PCDHA3: variants seen among roughly 807,000 people sequenced by gnomAD.
PCDHA3 encodes the protein protocadherin alpha-3.
A neutral mutation model predicts 62.2 loss-of-function variants in PCDHA3; 41 were observed. The ratio of observed to expected loss-of-function variants is 0.66; its 90% CI spans 0.51 to 0.86. The LOEUF (loss-of-function observed/expected upper bound fraction) is 0.86, where lower values mean the gene tolerates loss of function less well. Among genes scored for constraint, PCDHA3 ranks in the 40% least tolerant of loss-of-function variants. PCDHA3 has a pLI of 0.00. For missense variants in PCDHA3, 1,304 were observed against 1,241.2 expected (o/e 1.05, Z -0.76); for synonymous variants, 640 against 555.4 (o/e 1.15, Z -2.14).
intron 1 of PCDHA3, among the ~76,000 whole-genome samples, chr5:140,952,079 C>A (rs2094682960): frequency 6.6e-6 from 1 of 152,162 alleles, no homozygotes; most frequent in South Asian, 2.1e-4. Flanking sequence ...TTCATTGACT[C>A]CATGTCTCAC....
At chr5:140,868,864 A>C (rs1554162257) in intron 1 of PCDHA3, 10 of 549,766 alleles carry the variant, frequency 1.8e-5, no homozygotes, top group Non-Finnish European at 1.8e-5. Context: ...TGGTAAATGC[A>C]GTGCACAGTA....
intron 1 of PCDHA3, among the ~76,000 whole-genome samples, chr5:140,915,582 G>A (rs991142864): frequency 2.6e-5 from 4 of 152,056 alleles, no homozygotes; most frequent in South Asian, 4.1e-4. Flanking sequence ...CCAGGCAAAA[G>A]CACTTGTTCT....
intron 1 of PCDHA3, chr5:140,809,134 A>G (rs1764374318): frequency 6.2e-7 from 1 of 1,613,908 alleles, no homozygotes; most frequent in Non-Finnish European, 8.5e-7. Context: ...GCCTACTGGT[A>G]CTGGTGAAGG....
At chr5:140,969,359 C>A (rs1554231722) in intron 1 of PCDHA3, 2 of 1,611,118 alleles carry the variant, frequency 1.2e-6, no homozygotes, top group Admixed American at 3.4e-5. Flanking sequence ...GGGTCTTCTA[C>A]AAACTCATGC....
At position 140,828,523 on chromosome 5, in the gene PCDHA3, A is replaced by G. The variant is rs2150156378; in HGVS notation, c.2394+24932A>G. 443 of 1,614,170 alleles carry G rather than the reference A, an allele frequency of 2.7e-4. 1 individual carries two copies. In the African/African-American group the frequency reaches 5.2e-3, roughly 19 times the overall value. ...AGGAACAAAGAGTGCTGATTTACGA[A>G]TCTAGGCTGCCAGATTCTGTGTTTC... On this transcript the variant is annotated intron_variant, in intron 1 of 3. Transcript: ENST00000522353.
At chr5:140,807,776 C>T (rs1178619077) in intron 1 of PCDHA3, 2 of 1,614,004 alleles carry the variant, frequency 1.2e-6, no homozygotes, top group Admixed American at 3.3e-5. Context: ...GCTTATATTA[C>T]GGAAATCTTT....
intron 1 of PCDHA3, chr5:140,823,745 C>A (rs782470144): frequency 1.2e-6 from 2 of 1,613,836 alleles, no homozygotes; most frequent in African/African-American, 1.3e-5. Context: ...GGAGAGCCCC[C>A]GCTGACAGCC....
chr5:140,816,424 C>T (rs1554127056), intron 1 of PCDHA3: 2 of 152,046 alleles, frequency 1.3e-5, no homozygotes, highest in African/African-American at 2.4e-5. Flanking sequence ...GCTCACTGAA[C>T]ATCTTTATGA....
intron 1 of PCDHA3, chr5:140,822,754 T>C (rs1767425023): frequency 1.2e-6 from 2 of 1,613,734 alleles, no homozygotes; most frequent in African/African-American, 2.7e-5. Flanking sequence ...TAAAAGTACA[T>C]TCCCATTATC....
chr5:140,999,814 G>A (rs143341016), intron 3 of PCDHA3, among the ~76,000 whole-genome samples: 1 of 152,286 alleles, frequency 6.6e-6, no homozygotes, highest in African/African-American at 2.4e-5. Context: ...CAAAGCAAGA[G>A]CTGTGGCTTT....
At chr5:140,842,526 A>G (rs2150338157) in intron 1 of PCDHA3, 11 of 1,613,304 alleles carry the variant, frequency 6.8e-6, no homozygotes, top group African/African-American at 1.3e-5. Flanking sequence ...TCCACCTTCA[A>G]GAATTACTAC....
At chr5:140,863,655 G>T in intron 1 of PCDHA3, 1 of 295,936 alleles carries the variant, frequency 3.4e-6, no homozygotes, top group Non-Finnish European at 6.6e-6. Context: ...TAATTTGATT[G>T]CTTTATTTAT....
In PCDHA3 at chr5:140,801,195, G is replaced by C. The variant is rs1562177358; in HGVS notation, c.-3G>C. On this transcript the variant is annotated 5_prime_UTR_variant, in exon 1 of 4. Transcript: ENST00000522353. ...GCAATCTAATATTTGGAAAATACTT[G>C]CAATGTTGTTCTCCTGGCGAGAAGA... 2 of 1,589,630 alleles carry C rather than the reference G, an allele frequency of 1.3e-6. No individual in the cohort carries two copies. The highest frequency in any genetic ancestry group is 1.7e-6 in the Non-Finnish European group (2 of 1,168,440).
intron 1 of PCDHA3, chr5:140,823,233 C>A (rs2150123800): frequency 6.2e-7 from 1 of 1,613,610 alleles, no homozygotes; most frequent in East Asian, 2.2e-5. Context: ...CGCAGGAGAA[C>A]GCCCTGGTGT....
In PCDHA3 at chr5:140,974,947, C is replaced by T. The variant is rs145175873; in HGVS notation, c.2395-4002C>T. On this transcript the variant is annotated intron_variant, in intron 1 of 3. Coordinates refer to ENST00000522353, the MANE Select transcript of PCDHA3 (RefSeq NM_018906.3). ...GTTTAAAACACCACCTATTTGTTAT[C>T]TCACAGTCCTGTACCATGTGGCTGA... is the stretch of plus-strand genomic sequence containing the variant. 2.7e-3 allele frequency among the ~76,000 whole-genome samples: 417 copies of T among 152,322 alleles called. 3 individuals carry two copies. The highest frequency in any genetic ancestry group is 2.1e-3 in the Non-Finnish European group (142 of 68,022).
Position 140,995,742 on chromosome 5 carries a change from A to G in PCDHA3, c.2542+13179A>G, listed in dbSNP as rs1354360972. Among the ~76,000 whole-genome samples the G allele has an allele frequency of 7.2e-5, 11 of 152,280 alleles. No individual in the cohort carries two copies. In the East Asian group the frequency reaches 2.1e-3, roughly 29 times the overall value. On this transcript the variant is annotated intron_variant, in intron 3 of 3. Coordinates refer to ENST00000522353, the MANE Select transcript of PCDHA3 (RefSeq NM_018906.3). Reference sequence around the variant, plus strand: ...CTTAGGTAATCCTGGTGGATTTGGTATATCATGTCTGAGAAAATGTGGAGA... The same window carrying G: ...CTTAGGTAATCCTGGTGGATTTGGTGTATCATGTCTGAGAAAATGTGGAGA...
intron 1 of PCDHA3, chr5:140,871,252 T>A (rs782280300): frequency 2.5e-6 from 4 of 1,613,990 alleles, no homozygotes; most frequent in Non-Finnish European, 1.7e-6. Context: ...GCTGCTGCTG[T>A]ATACGGCGCT....
intron 1 of PCDHA3, among the ~76,000 whole-genome samples, chr5:140,837,794 A>C (rs1554136640): frequency 1.3e-5 from 2 of 151,558 alleles, no homozygotes; most frequent in African/African-American, 4.9e-5. Flanking sequence ...CTCCCATCTC[A>C]GCCTCTGGAG....
intron 1 of PCDHA3, among the ~76,000 whole-genome samples, chr5:140,900,021 T>A (rs1423634160): frequency 1.3e-5 from 2 of 152,092 alleles, no homozygotes; most frequent in Non-Finnish European, 2.9e-5. Context: ...TGTTACCCAG[T>A]TTGGCCTTGA....
Sources: allele counts gnomAD v4.1 joint callset (sites outside exome capture counted in the v4.1 genomes callset), GRCh38; gene constraint gnomAD v4.1.1; transcripts MANE v1.5; gene names NCBI Gene and HGNC (gene_info 2026-07-23, HGNC 2026-07-21).